Variants in FBXO4 observed in about 807,000 individuals in gnomAD.
FBXO4 encodes the protein F-box only protein 4.
In FBXO4, 36 loss-of-function variants were observed where a neutral mutation model predicts 43.7. The observed-to-expected ratio is 0.82, with a 90% confidence interval of 0.63 to 1.09. The LOEUF is 1.09. FBXO4 is among the 50% of genes least tolerant of loss of function. The pLI is 0.00. For synonymous variants in FBXO4, 180 were observed against 165.6 expected (o/e 1.09, Z -0.67); for missense variants, 435 against 474.1 (o/e 0.92, Z 0.77).
chr5:41,943,905 C>T (rs1027074219), downstream of FBXO4, among the ~76,000 whole-genome samples: 1 of 152,058 alleles, frequency 6.6e-6, no homozygotes, highest in Non-Finnish European at 1.5e-5. Flanking sequence ...GAGGAAAAGA[C>T]ACAAGGGATG....
the FBXO4 span, among the ~76,000 whole-genome samples, chr5:41,979,863 G>T: frequency 6.6e-6 from 1 of 152,130 alleles, no homozygotes; most frequent in Non-Finnish European, 1.5e-5. Context: ...CATTTAAAAT[G>T]ATCCTATGCC....
chr5:41,947,191 T>C, the FBXO4 span, among the ~76,000 whole-genome samples: 2 of 152,200 alleles, frequency 1.3e-5, no homozygotes, highest in East Asian at 3.8e-4. Context: ...CAAATGAAAG[T>C]ACCTGGAATA....
the FBXO4 span, among the ~76,000 whole-genome samples, chr5:42,033,546 C>T: frequency 6.6e-6 from 1 of 152,108 alleles, no homozygotes; most frequent in Admixed American, 6.6e-5. Context: ...TCTCCCCTCG[C>T]CTCCCACCCC....
chr5:42,009,374 T>C, the FBXO4 span, among the ~76,000 whole-genome samples: 1 of 112,212 alleles, frequency 8.9e-6, no homozygotes, highest in Non-Finnish European at 1.9e-5. Context: ...AGTGTGTGTG[T>C]ATGTGTGTGT....
the FBXO4 span, among the ~76,000 whole-genome samples, chr5:42,006,387 T>C: frequency 6.6e-6 from 1 of 152,068 alleles, no homozygotes; most frequent in Non-Finnish European, 1.5e-5. Context: ...TATATCAAAG[T>C]ACCTACCTAT....
chr5:41,993,236 T>C, the FBXO4 span, among the ~76,000 whole-genome samples: 1 of 152,162 alleles, frequency 6.6e-6, no homozygotes, highest in Admixed American at 6.5e-5. Flanking sequence ...AATATTTTCT[T>C]ATAGAGCTGT....
In FBXO4 at chr5:41,941,175, C is replaced by T. The variant is rs1751995204; in HGVS notation, c.1075-17C>T. On this transcript the variant is annotated splice_polypyrimidine_tract_variant and intron_variant, in intron 6 of 6. Transcript: ENST00000281623. ...CTTAGTTTCTTACTAACAACATTCT[C>T]TCTTATGTATTCCGAGGTCCAGGAT... is the stretch of plus-strand genomic sequence containing the variant. The T allele has an allele frequency of 6.2e-7, 1 of 1,606,684 alleles. No individual in the cohort carries two copies. The highest frequency in any genetic ancestry group is 1.3e-5 in the African/African-American group (1 of 74,736).
the FBXO4 span, among the ~76,000 whole-genome samples, chr5:41,994,742 A>G: frequency 3.9e-5 from 6 of 152,216 alleles, no homozygotes; most frequent in Non-Finnish European, 8.8e-5. Context: ...CAAAATGTCC[A>G]GGTGGCAATC....
the FBXO4 span, among the ~76,000 whole-genome samples, chr5:42,032,499 C>T: frequency 1.3e-5 from 2 of 152,158 alleles, no homozygotes; most frequent in African/African-American, 4.8e-5. Flanking sequence ...GAAGCCTTAC[C>T]TCTTAGCCCC....
At chr5:42,015,758 T>A in the FBXO4 span, among the ~76,000 whole-genome samples, 1 of 151,562 alleles carries the variant, frequency 6.6e-6, no homozygotes, top group African/African-American at 2.4e-5. Flanking sequence ...AGGATTTAAG[T>A]GTGTTTTTAG....
the FBXO4 span, among the ~76,000 whole-genome samples, chr5:42,024,927 A>G: frequency 6.6e-6 from 1 of 152,062 alleles, no homozygotes; most frequent in African/African-American, 2.4e-5. Flanking sequence ...TATATGTACC[A>G]CATTTTCTTT....
chr5:42,006,191 A>G, the FBXO4 span, among the ~76,000 whole-genome samples: 2 of 152,176 alleles, frequency 1.3e-5, no homozygotes, highest in Non-Finnish European at 2.9e-5. Flanking sequence ...CTACATTTCT[A>G]TCATCTCACT....
the FBXO4 span, among the ~76,000 whole-genome samples, chr5:41,995,246 A>T: frequency 6.6e-6 from 1 of 152,172 alleles, no homozygotes; most frequent in Non-Finnish European, 1.5e-5. Flanking sequence ...CCGTGAGTCC[A>T]TTGGTGGTAG....
At chr5:41,948,609 T>C in the FBXO4 span, among the ~76,000 whole-genome samples, 1 of 152,252 alleles carries the variant, frequency 6.6e-6, no homozygotes, top group African/African-American at 2.4e-5. Context: ...AGTTTAATTC[T>C]TCATGTATTA....
chr5:41,985,718 T>G, the FBXO4 span, among the ~76,000 whole-genome samples: 1 of 152,154 alleles, frequency 6.6e-6, no homozygotes, highest in Non-Finnish European at 1.5e-5. Context: ...CTTGGCTAAA[T>G]GGTTATTACT....
the FBXO4 span, among the ~76,000 whole-genome samples, chr5:41,981,381 A>AT: frequency 6.0e-5 from 9 of 151,234 alleles, no homozygotes; most frequent in African/African-American, 1.7e-4. Context: ...GCATTCTAAA[A>AT]TTTTTTTTTA....
the FBXO4 span, among the ~76,000 whole-genome samples, chr5:42,022,777 GTT>G: frequency 1.3e-5 from 2 of 152,010 alleles, no homozygotes; most frequent in African/African-American, 4.8e-5. Flanking sequence ...TCTCCAGACT[GTT>G]TTGGTTTGTA....
At chr5:41,975,254 G>A in the FBXO4 span, among the ~76,000 whole-genome samples, 2 of 152,214 alleles carry the variant, frequency 1.3e-5, no homozygotes, top group African/African-American at 2.4e-5. Flanking sequence ...GGAAGCAAGT[G>A]CTTACATCTC....
chr5:42,020,452 T>G, the FBXO4 span, among the ~76,000 whole-genome samples: 1 of 152,206 alleles, frequency 6.6e-6, no homozygotes, highest in Non-Finnish European at 1.5e-5. Context: ...TGATAGAAAC[T>G]GCTGTGAGTG....
Sources: gnomAD v4.1 joint callset for allele counts (sites outside exome capture counted in the v4.1 genomes callset) on GRCh38, gnomAD v4.1.1 for gene constraint, MANE v1.5 for transcripts, NCBI Gene and HGNC (gene_info 2026-07-23, HGNC 2026-07-21) for gene names.